Variants in DISP1 observed in about 807,000 individuals in gnomAD.
DISP1 encodes protein dispatched homolog 1.
In DISP1, 30 loss-of-function variants were observed where a neutral mutation model predicts 37.3. The observed-to-expected ratio is 0.80, with a 90% CI of 0.60 to 1.09. DISP1 has a LOEUF of 1.09. DISP1 is among the 50% of genes least tolerant of loss of function. The probability of loss-of-function intolerance (pLI) is 0.00; values close to 1 mark genes in which losing one functional copy is unlikely to be tolerated. For missense variants in DISP1, 1,598 were observed against 1,879.5 expected (o/e 0.85, Z 2.77); for synonymous variants, 634 against 690.2 (o/e 0.92, Z 1.28).
At chr1:222,938,125 A>T (rs1229028973) in intron 2 of DISP1, among the ~76,000 whole-genome samples, 1 of 152,090 alleles carries the variant, frequency 6.6e-6, no homozygotes, top group Non-Finnish European at 1.5e-5. Flanking sequence ...TTCCTGCCTC[A>T]GCCTCCCAAA....
intron 1 of DISP1, among the ~76,000 whole-genome samples, chr1:222,845,668 AT>A (rs1395114536): frequency 6.6e-6 from 1 of 152,180 alleles, no homozygotes; most frequent in Non-Finnish European, 1.5e-5. Context: ...ATTATTTATT[AT>A]GACTGTGAAC....
At chr1:222,832,960 A>C (rs1293825675) in intron 1 of DISP1, among the ~76,000 whole-genome samples, 5 of 152,120 alleles carry the variant, frequency 3.3e-5, no homozygotes, top group Admixed American at 1.3e-4. Context: ...TTTAAATTTA[A>C]ATAAGTTGAA....
intron 1 of DISP1, among the ~76,000 whole-genome samples, chr1:222,831,353 G>T (rs1309124183): frequency 6.6e-6 from 1 of 152,076 alleles, no homozygotes; most frequent in Non-Finnish European, 1.5e-5. Flanking sequence ...GAGGTAGTAG[G>T]TTTATTTTTG....
intron 2 of DISP1, among the ~76,000 whole-genome samples, chr1:222,931,623 A>C (rs1050165178): frequency 9.9e-5 from 15 of 151,754 alleles, no homozygotes; most frequent in Admixed American, 3.3e-4. Context: ...CAGTCCTGCT[A>C]TCTGCAGGCT....
At chr1:222,991,400 AC>A in intron 5 of DISP1, 119 bp from the exon 6 acceptor site, 1 of 1,225,488 alleles carries the variant, frequency 8.2e-7, no homozygotes, top group South Asian at 1.2e-5. Flanking sequence ...GCTGTGAGGA[AC>A]AGCTATATTT....
chr1:222,960,907 C>T (rs964743032), intron 3 of DISP1, among the ~76,000 whole-genome samples: 3 of 152,078 alleles, frequency 2.0e-5, no homozygotes, highest in Non-Finnish European at 4.4e-5. Flanking sequence ...CCTCCCAAGA[C>T]TCAACCAGGA....
At chr1:222,898,071 A>G (rs777541466) in intron 1 of DISP1, among the ~76,000 whole-genome samples, 13 of 152,140 alleles carry the variant, frequency 8.5e-5, no homozygotes, top group Non-Finnish European at 1.8e-4. Flanking sequence ...TTGAGGAAAA[A>G]CATACACTTT....
In DISP1 at chr1:222,942,809, T is replaced by A; in HGVS notation, c.-15T>A. On this transcript the variant is annotated splice_region_variant and 5_prime_UTR_variant, in exon 3 of 9. Transcript: ENST00000675850. ...GATTTTATGATTTTCTTACTTAGAG[T>A]CAAGAAATTGGAGCATGGCTATGAG... 6.2e-7 allele frequency: 1 copy of A among 1,614,040 alleles called. No individual in the cohort carries two copies. The highest frequency in any genetic ancestry group is 1.1e-5 in the South Asian group (1 of 91,068).
chr1:222,865,352 A>G (rs1260222043), intron 1 of DISP1, among the ~76,000 whole-genome samples: 1 of 152,154 alleles, frequency 6.6e-6, no homozygotes, highest in East Asian at 1.9e-4. Context: ...GGAATTGATT[A>G]CTTTTTGTTT....
chr1:222,875,856 A>G (rs1019206575), intron 1 of DISP1, among the ~76,000 whole-genome samples: 4 of 151,478 alleles, frequency 2.6e-5, no homozygotes, highest in Non-Finnish European at 5.9e-5. Context: ...AGAAAGAAAG[A>G]AAAAGAAAAT....
chr1:222,949,712 C>T (rs967362910), intron 3 of DISP1, among the ~76,000 whole-genome samples: 5 of 152,168 alleles, frequency 3.3e-5, no homozygotes, highest in African/African-American at 1.2e-4. Context: ...CTGCAACCTC[C>T]ACCTCCTGGG....
At chr1:222,855,251 CT>C (rs528789056) in intron 1 of DISP1, among the ~76,000 whole-genome samples, 1 of 152,190 alleles carries the variant, frequency 6.6e-6, no homozygotes, top group African/African-American at 2.4e-5. Context: ...CCCTCTGCCC[CT>C]CTCACACAAA....
intron 4 of DISP1, among the ~76,000 whole-genome samples, chr1:222,990,006 G>A (rs1678577568): frequency 6.6e-6 from 1 of 152,056 alleles, no homozygotes; most frequent in African/African-American, 2.4e-5. Context: ...GTTTCACCGT[G>A]TTAGTCAGGA....
intron 1 of DISP1, among the ~76,000 whole-genome samples, chr1:222,924,274 G>A (rs1350053875): frequency 1.3e-5 from 2 of 152,068 alleles, no homozygotes; most frequent in African/African-American, 2.4e-5. Flanking sequence ...AATAATCCAG[G>A]TTTGAGTAGT....
intron 1 of DISP1, among the ~76,000 whole-genome samples, chr1:222,882,384 A>G (rs1670331402): frequency 6.6e-6 from 1 of 152,180 alleles, no homozygotes; most frequent in Non-Finnish European, 1.5e-5. Flanking sequence ...TCTGCACTAC[A>G]AAGGAGTGGT....
intron 1 of DISP1, among the ~76,000 whole-genome samples, chr1:222,817,189 G>A (rs949519604): frequency 2.0e-5 from 3 of 152,156 alleles, no homozygotes; most frequent in African/African-American, 4.8e-5. Flanking sequence ...TTGTTATTCC[G>A]TAGGATTTAG....
At chr1:222,992,988 G>A (rs185483431) in intron 7 of DISP1, among the ~76,000 whole-genome samples, 8 of 150,858 alleles carry the variant, frequency 5.3e-5, no homozygotes, top group Admixed American at 4.0e-4. Flanking sequence ...CAGCCTTCCC[G>A]AGTAGCTGGG....
At chr1:222,869,351 T>C (rs1309687708) in intron 1 of DISP1, among the ~76,000 whole-genome samples, 1 of 152,206 alleles carries the variant, frequency 6.6e-6, no homozygotes, top group African/African-American at 2.4e-5. Context: ...TAGCAGTCAT[T>C]TAAAAAACTG....
intron 3 of DISP1, among the ~76,000 whole-genome samples, chr1:222,979,052 G>A (rs1677626020): frequency 1.3e-5 from 2 of 152,050 alleles, no homozygotes; most frequent in South Asian, 2.1e-4. Flanking sequence ...TTCCAATTCT[G>A]TGAAGAAAGT....
Sources: gnomAD v4.1 joint callset for allele counts (sites outside exome capture counted in the v4.1 genomes callset) on GRCh38, gnomAD v4.1.1 for gene constraint, MANE v1.5 for transcripts, NCBI Gene and HGNC (gene_info 2026-07-23, HGNC 2026-07-21) for gene names.